Variants in SGCG observed in about 807,000 individuals in gnomAD.
The protein encoded by SGCG is sarcoglycan gamma.
A neutral mutation model predicts 29.3 loss-of-function variants in SGCG; 26 were observed. The ratio of observed to expected loss-of-function variants is 0.89; its 90% confidence interval spans 0.65 to 1.23. SGCG has a LOEUF of 1.23. Among genes scored for constraint, SGCG ranks in the 50% most tolerant of loss-of-function variants. The probability of loss-of-function intolerance (pLI) is 0.00; values close to 1 mark genes in which losing one functional copy is unlikely to be tolerated. For synonymous variants in SGCG, 145 were observed against 129.7 expected, an observed-to-expected ratio of 1.12 and a Z score of -0.80; for missense variants, 353 against 356.0, an observed-to-expected ratio of 0.99 and a Z score of 0.07.
intron 6 of SGCG, among the ~76,000 whole-genome samples, chr13:23,308,428 G>T (rs9580597): frequency 6.6e-6 from 1 of 152,036 alleles, no homozygotes; most frequent in Non-Finnish European, 1.5e-5. Context: ...CCCTATTCTC[G>T]TCTGTTGTTC....
chr13:23,310,277 G>A (rs552067673), intron 6 of SGCG, among the ~76,000 whole-genome samples: 10 of 151,510 alleles, frequency 6.6e-5, no homozygotes, highest in South Asian at 4.2e-4. Flanking sequence ...TAGTAGAGAC[G>A]GGGTTTCACC....
intron 1 of SGCG, among the ~76,000 whole-genome samples, chr13:23,184,955 T>C (rs1876912066): frequency 6.6e-6 from 1 of 152,230 alleles, no homozygotes; most frequent in South Asian, 2.1e-4. Context: ...GAGGATTACA[T>C]AATTGTTCTG....
At chr13:23,229,894 C>T (rs1879042432) in intron 2 of SGCG, among the ~76,000 whole-genome samples, 1 of 152,130 alleles carries the variant, frequency 6.6e-6, no homozygotes, top group Non-Finnish European at 1.5e-5. Context: ...CTAGCTTATC[C>T]TCCAAGGTTT....
chr13:23,320,640 A>G lies in SGCG; in HGVS notation c.582A>G (p.Leu194=). 1 of 1,524,868 alleles carries G rather than the reference A, an allele frequency of 6.6e-7. No individual in the cohort carries two copies. The highest frequency in any genetic ancestry group is 8.9e-7 in the Non-Finnish European group (1 of 1,122,734). The allele number at this position is 1,524,868 out of a possible 1,614,324, so 94.5% of individuals were successfully genotyped here. A position where few individuals can be genotyped will look rare whatever the true frequency, so the allele number is the denominator to read the frequency against. The change falls in exon 7 of 8, where the codon TTA becomes TTG. Residue 194 remains leucine (L), a synonymous_variant. Coordinates refer to ENST00000218867, the MANE Select transcript of SGCG (RefSeq NM_000231.3). ...VRADPFQDLR[L]ESPTRSLSMD... ...GTGCTTCTTTTCCTCATCTCAGATT[A>G]GAATCCCCCACTCGGAGTCTAAGCA...
chr13:23,247,653 A>G lies in SGCG; in HGVS notation c.298-2977A>G, dbSNP rs190475064. ...TATATTATAGGAATTCTATTTAAAAATTTAAAAATCGGTCGGGCATGGTGG... is the reference window on the plus strand; with the variant it reads ...TATATTATAGGAATTCTATTTAAAAGTTTAAAAATCGGTCGGGCATGGTGG... On this transcript the variant is annotated intron_variant, in intron 3 of 7. Coordinates refer to ENST00000218867, the MANE Select transcript of SGCG (RefSeq NM_000231.3). Among the ~76,000 whole-genome samples, 871 of 152,232 alleles carry G rather than the reference A, an allele frequency of 5.7e-3. 4 individuals are homozygous for G. Among genetic ancestry groups the G allele is most frequent in the Non-Finnish European group, 7.6e-3 (517 of 68,018 alleles).
intron 3 of SGCG, chr13:23,246,986 G>C (rs1330501007): frequency 6.5e-6 from 1 of 153,530 alleles, no homozygotes; most frequent in African/African-American, 2.4e-5. Context: ...CTGTGAAAAA[G>C]ATCCCATTAG....
chr13:23,265,883 G>A (rs1441344760), intron 4 of SGCG, among the ~76,000 whole-genome samples: 1 of 152,136 alleles, frequency 6.6e-6, no homozygotes, highest in African/African-American at 2.4e-5. Flanking sequence ...AGAACTAAAA[G>A]TAGATTTAAC....
At chr13:23,269,960 C>T (rs947048322) in intron 4 of SGCG, among the ~76,000 whole-genome samples, 5 of 150,866 alleles carry the variant, frequency 3.3e-5, no homozygotes, top group South Asian at 2.1e-4. Flanking sequence ...CTGCAAGCTC[C>T]GCCTCCCAGG....
At chr13:23,303,707 G>A (rs556967620) in intron 6 of SGCG, among the ~76,000 whole-genome samples, 1 of 152,326 alleles carries the variant, frequency 6.6e-6, no homozygotes, top group African/African-American at 2.4e-5. Flanking sequence ...CAATGTGCTT[G>A]TGCAGGTAAA....
In SGCG at chr13:23,185,485, C is replaced by T. The variant is rs116539866; in HGVS notation, c.-1+4410C>T. ...GATTACAGGCGTGAGCCACTGCATC[C>T]GGTCCCCGATCACTTTTAAATTCCA... On this transcript the variant is annotated intron_variant, in intron 1 of 7. Coordinates refer to ENST00000218867, the MANE Select transcript of SGCG (RefSeq NM_000231.3). Among the ~76,000 whole-genome samples the T allele has an allele frequency of 2.2e-3, 336 of 152,310 alleles. 1 individual carries two copies. The highest frequency in any genetic ancestry group is 7.9e-3 in the African/African-American group (327 of 41,564).
At chr13:23,171,790 G>A in the SGCG span, among the ~76,000 whole-genome samples, 3 of 152,242 alleles carry the variant, frequency 2.0e-5, no homozygotes, top group East Asian at 3.9e-4. Context: ...CCACTGATCC[G>A]ACAGGAAGCA....
chr13:23,302,220 A>G (rs1414479428), intron 6 of SGCG, among the ~76,000 whole-genome samples: 1 of 151,512 alleles, frequency 6.6e-6, no homozygotes, highest in African/African-American at 2.4e-5. Flanking sequence ...GATTGACAGT[A>G]TTTCATTGAT....
intron 2 of SGCG, among the ~76,000 whole-genome samples, chr13:23,209,786 T>C (rs529262956): frequency 7.9e-5 from 12 of 152,340 alleles, no homozygotes; most frequent in South Asian, 6.2e-4. Flanking sequence ...GTGAGGTGTA[T>C]TAAATGCATT....
chr13:23,236,182 T>A (rs1388677540), intron 3 of SGCG, among the ~76,000 whole-genome samples: 1 of 152,142 alleles, frequency 6.6e-6, no homozygotes, highest in East Asian at 1.9e-4. Flanking sequence ...AACAATCCTG[T>A]CCTACAGGAT....
chr13:23,263,541 T>C (rs1880526516), intron 4 of SGCG, among the ~76,000 whole-genome samples: 1 of 152,066 alleles, frequency 6.6e-6, no homozygotes, highest in Non-Finnish European at 1.5e-5. Context: ...CACATCTGAA[T>C]TCAAAAGACT....
At chr13:23,297,225 C>CTTTTTTTT (rs1326637455) in intron 6 of SGCG, among the ~76,000 whole-genome samples, 7 of 120,272 alleles carry the variant, frequency 5.8e-5, no homozygotes, top group African/African-American at 2.0e-4. Flanking sequence ...CACAGACAAT[C>CTTTTTTTT]TTTTATTTTT....
chr13:23,302,670 A>T (rs370001765), intron 6 of SGCG, among the ~76,000 whole-genome samples: 1 of 151,802 alleles, frequency 6.6e-6, no homozygotes, highest in South Asian at 2.1e-4. Flanking sequence ...AATTTTTAAA[A>T]GAAAAAATCA....
chr13:23,168,542 A>T, the SGCG span, among the ~76,000 whole-genome samples: 1 of 152,226 alleles, frequency 6.6e-6, no homozygotes, highest in Non-Finnish European at 1.5e-5. Flanking sequence ...CTAATTCAGT[A>T]CATAACGCAG....
intron 3 of SGCG, among the ~76,000 whole-genome samples, chr13:23,248,858 G>A (rs1442348993): frequency 1.3e-5 from 2 of 151,262 alleles, no homozygotes; most frequent in Non-Finnish European, 2.9e-5. Flanking sequence ...GGGCGTGGTG[G>A]CGGGCACCTG....
Sources: allele counts gnomAD v4.1 joint callset (sites outside exome capture counted in the v4.1 genomes callset), GRCh38; gene constraint gnomAD v4.1.1; transcripts MANE v1.5; gene names NCBI Gene and HGNC (gene_info 2026-07-23, HGNC 2026-07-21).